Variants in GALNT3 observed in about 807,000 individuals in gnomAD.
GALNT3 encodes GalNAc transferase 3.
Under a neutral mutation model 69.8 loss-of-function variants are expected in GALNT3, and 51 were observed. The observed-to-expected ratio is 0.73, with a 90% CI of 0.58 to 0.92. The LOEUF (loss-of-function observed/expected upper bound fraction) is 0.92, where lower values mean the gene tolerates loss of function less well. Ranked by LOEUF, GALNT3 falls within the 40% of genes least tolerant of loss-of-function variation. GALNT3 has a pLI of 0.00. For synonymous variants in GALNT3, 265 were observed against 248.5 expected (o/e 1.07, Z -0.63); for missense variants, 711 against 760.0 (o/e 0.94, Z 0.76).
chr2:165,757,440 C>A (rs1688465904), intron 6 of GALNT3, among the ~76,000 whole-genome samples, 193 bp from the exon 7 acceptor site: 1 of 152,146 alleles, frequency 6.6e-6, no homozygotes, highest in South Asian at 2.1e-4. Flanking sequence ...ATGGCATAGA[C>A]ACTAAAGACA....
At chr2:165,777,833 G>C (rs1026985104) in intron 1 of GALNT3, among the ~76,000 whole-genome samples, 2 of 152,200 alleles carry the variant, frequency 1.3e-5, no homozygotes, top group African/African-American at 4.8e-5. Context: ...AATGCCACCA[G>C]TGGATGACTA....
chr2:165,763,793 T>G (rs1302195497), intron 3 of GALNT3, among the ~76,000 whole-genome samples: 1 of 152,114 alleles, frequency 6.6e-6, no homozygotes, highest in Non-Finnish European at 1.5e-5. Flanking sequence ...TGCACACCCT[T>G]TATTTGGGAG....
intron 10 of GALNT3, among the ~76,000 whole-genome samples, chr2:165,749,198 T>A (rs1461332041): frequency 6.6e-6 from 1 of 152,102 alleles, no homozygotes; most frequent in Non-Finnish European, 1.5e-5. Context: ...CTTAAAAACA[T>A]CATAAATTAT....
intron 1 of GALNT3, among the ~76,000 whole-genome samples, chr2:165,786,097 G>A (rs1237154709): frequency 1.3e-5 from 2 of 152,290 alleles, no homozygotes; most frequent in Non-Finnish European, 2.9e-5. Context: ...TATGTTGGGA[G>A]GTCAAGGAGG....
intron 1 of GALNT3, among the ~76,000 whole-genome samples, chr2:165,772,866 G>A (rs373219593): frequency 6.6e-6 from 1 of 152,168 alleles, no homozygotes; most frequent in Non-Finnish European, 1.5e-5. Context: ...AAAAACCCTT[G>A]TGCATCTTTC....
intron 5 of GALNT3, 28 bp from the exon 6 acceptor site, chr2:165,758,892 G>A (rs1558996309): frequency 7.2e-7 from 1 of 1,389,358 alleles, no homozygotes; most frequent in South Asian, 1.2e-5. Context: ...GTCAAATTTT[G>A]TTATAAAAAC....
At chr2:165,773,021 G>C (rs990835962) in intron 1 of GALNT3, among the ~76,000 whole-genome samples, 2 of 152,168 alleles carry the variant, frequency 1.3e-5, no homozygotes, top group Non-Finnish European at 2.9e-5. Context: ...AATGAGATGA[G>C]GTGGGTCAAA....
intron 1 of GALNT3, among the ~76,000 whole-genome samples, chr2:165,781,420 C>A (rs1683108142): frequency 6.6e-6 from 1 of 151,832 alleles, no homozygotes; most frequent in African/African-American, 2.4e-5. Context: ...TATGGCAAAA[C>A]CCCATCTCCA....
At chr2:165,774,174 G>A (rs573251725) in intron 1 of GALNT3, among the ~76,000 whole-genome samples, 3 of 152,270 alleles carry the variant, frequency 2.0e-5, no homozygotes, top group Admixed American at 6.5e-5. Context: ...TTGACAAAAG[G>A]TAGATATTCA....
chr2:165,779,757 A>T (rs549609631), intron 1 of GALNT3, among the ~76,000 whole-genome samples: 29 of 152,324 alleles, frequency 1.9e-4, no homozygotes, highest in African/African-American at 6.7e-4. Context: ...TTGAAAAAAA[A>T]TTTTTAAAGA....
chr2:165,785,308 T>C (rs1683197424), intron 1 of GALNT3, among the ~76,000 whole-genome samples: 1 of 151,996 alleles, frequency 6.6e-6, no homozygotes, highest in African/African-American at 2.4e-5. Flanking sequence ...CCCAATATAG[T>C]TAAATGGGAA....
intron 2 of GALNT3, among the ~76,000 whole-genome samples, chr2:165,765,532 C>G (rs1688623025): frequency 6.6e-6 from 1 of 151,540 alleles, no homozygotes; most frequent in African/African-American, 2.4e-5. Flanking sequence ...CTCTGTCGCC[C>G]AGGCTGGAGT....
intron 6 of GALNT3, among the ~76,000 whole-genome samples, chr2:165,758,004 A>T (rs967921076): frequency 6.6e-6 from 1 of 152,194 alleles, no homozygotes; most frequent in Non-Finnish European, 1.5e-5. Flanking sequence ...TCTTTCTTGA[A>T]CAAATGAGAA....
chr2:165,754,501 T>A, intron 9 of GALNT3, 126 bp downstream of exon 9: 1 of 724,154 alleles, frequency 1.4e-6, no homozygotes, highest in Non-Finnish European at 2.4e-6. Context: ...CCAAACTCAG[T>A]CTGAAAACAT....
chr2:165,790,903 A>C (rs774448596), intron 1 of GALNT3, among the ~76,000 whole-genome samples: 1 of 152,180 alleles, frequency 6.6e-6, no homozygotes, highest in African/African-American at 2.4e-5. Flanking sequence ...TTCTCTAATA[A>C]ATTTTCAGAC....
At chr2:165,765,634 G>A (rs1267102079) in intron 2 of GALNT3, among the ~76,000 whole-genome samples, 2 of 151,650 alleles carry the variant, frequency 1.3e-5, no homozygotes, top group East Asian at 1.9e-4. Flanking sequence ...GACTACAGGC[G>A]CCCACCACCA....
At chr2:165,757,577 C>T (rs1688468656) in intron 6 of GALNT3, among the ~76,000 whole-genome samples, 2 of 152,288 alleles carry the variant, frequency 1.3e-5, no homozygotes, top group South Asian at 2.1e-4. Context: ...ACTAAAGGCT[C>T]TTATGCATTT....
In GALNT3 at chr2:165,762,140, G is replaced by C. The variant is rs1215249007; in HGVS notation, c.689-86C>G. The stretch of plus-strand genomic sequence containing the variant: ...AAAGCTAATGAAACCACAGAGCAAT[G>C]ATCCTTCCAAATTCATAATCTTAAC... On this transcript the variant is annotated intron_variant, in intron 3 of 10. Transcript: ENST00000392701. 5 of 994,118 alleles carry C rather than the reference G, an allele frequency of 5.0e-6. No individual in the cohort carries two copies. In the East Asian group the frequency reaches 1.2e-4, roughly 25 times the overall value. 61.6% of individuals were successfully genotyped at this position (994,118 alleles called of 1,614,324 possible). A position where few individuals can be genotyped will look rare whatever the true frequency, so the allele number is the denominator to read the frequency against.
intron 1 of GALNT3, among the ~76,000 whole-genome samples, chr2:165,787,476 A>T (rs1479712444): frequency 6.6e-6 from 1 of 152,288 alleles, no homozygotes; most frequent in East Asian, 1.9e-4. Flanking sequence ...TTTTGAAAAG[A>T]TCACTCTGGG....
Sources: gnomAD v4.1 joint callset for allele counts (sites outside exome capture counted in the v4.1 genomes callset) on GRCh38, gnomAD v4.1.1 for gene constraint, MANE v1.5 for transcripts, NCBI Gene and HGNC (gene_info 2026-07-23, HGNC 2026-07-21) for gene names.